The following MDN1 variants were observed in gnomAD, a reference collection of about 807,000 sequenced individuals.
MDN1 encodes midasin.
MDN1 carries 266 observed loss-of-function variants against 669.2 expected under a neutral mutation model. The observed-to-expected ratio is 0.40, with a 90% CI of 0.36 to 0.44. The LOEUF (loss-of-function observed/expected upper bound fraction) is 0.44, where lower values mean the gene tolerates loss of function less well. Among genes scored for constraint, MDN1 ranks in the 20% least tolerant of loss-of-function variants. The probability of loss-of-function intolerance (pLI) is 1.00; values close to 1 mark genes in which losing one functional copy is unlikely to be tolerated. For missense variants in MDN1, 5,940 were observed against 6,754.0 expected (o/e 0.88, Z 4.22); for synonymous variants, 2,385 against 2,457.1 (o/e 0.97, Z 0.87).
chr6:89,708,347 G>T, intron 51 of MDN1, 149 bp downstream of exon 51: 1 of 953,400 alleles, frequency 1.0e-6, no homozygotes, highest in Non-Finnish European at 1.6e-6. Context: ...TATGATTATC[G>T]TATGATAAAG....
chr6:89,796,324 C>CAA (rs35169575), intron 2 of MDN1, among the ~76,000 whole-genome samples: 464 of 45,274 alleles, frequency 0.01, 32 homozygotes, highest in African/African-American at 0.015. Context: ...AACTCTGTCT[C>CAA]AAAAAAAAAA....
Position 89,644,085 on chromosome 6 carries a change from C to T in MDN1, c.16711G>A (p.Asp5571Asn). 1 of 1,614,082 alleles carries T rather than the reference C, an allele frequency of 6.2e-7. No homozygotes were observed. Among genetic ancestry groups the T allele is most frequent in the South Asian group, 1.1e-5 (1 of 91,072 alleles). The change falls in exon 102 of 102, where the codon GAT (aspartate) becomes AAT (asparagine). Residue 5571 changes from aspartate (D) to asparagine (N), a missense_variant. Around this residue, in one of 5 missense-constraint regions of MDN1, gnomAD observed 2,280 missense variants for 2,576.3 expected, o/e 0.88. Transcript: ENST00000369393. ...AGTGTCTCAGGAAGTGCGTTTACATCTCGAAGAATGATATAGTATGGGAAT... is the reference window on the plus strand; with the variant it reads ...AGTGTCTCAGGAAGTGCGTTTACATTTCGAAGAATGATATAGTATGGGAAT... ...FPFPYYIILR[D>N]VNALPETLSD...
intron 11 of MDN1, among the ~76,000 whole-genome samples, chr6:89,778,971 A>G (rs898919417): frequency 2.7e-5 from 4 of 149,096 alleles, no homozygotes; most frequent in Admixed American, 1.3e-4. Context: ...ATGTACTAAA[A>G]TAAGCCAAAG....
rs1038181424 is a variant in MDN1 at position 89,687,370 on chromosome 6, G to A, written c.11424C>T (p.Ile3808=). The A allele has an allele frequency of 6.2e-7, 1 of 1,614,034 alleles. No homozygotes were observed. The highest frequency in any genetic ancestry group is 1.1e-5 in the South Asian group (1 of 91,068). Reference sequence around the variant, plus strand: ...TCAGCTCCAGTTTACGCCACCGAATGATCATCTGACTGATCAAATCAAGAT... The same window carrying A: ...TCAGCTCCAGTTTACGCCACCGAATAATCATCTGACTGATCAAATCAAGAT... ...RKHLDLISQM[I]IRWRKLELNC... The change falls in exon 68 of 102, where the codon ATC becomes ATT. Residue 3808 remains isoleucine, a synonymous_variant. Coordinates refer to ENST00000369393, the MANE Select transcript of MDN1 (RefSeq NM_014611.3).
chr6:89,775,748 C>G (rs1423420238), intron 12 of MDN1, among the ~76,000 whole-genome samples: 1 of 152,146 alleles, frequency 6.6e-6, no homozygotes, highest in Admixed American at 6.5e-5. Context: ...TGCAGTGGCA[C>G]AACCTTGGCT....
intron 17 of MDN1, 39 bp downstream of exon 17, chr6:89,761,606 T>A: frequency 7.0e-7 from 1 of 1,418,820 alleles, no homozygotes; most frequent in Non-Finnish European, 9.8e-7. Flanking sequence ...TTGCATAAAA[T>A]CAACGTTCCC....
intron 74 of MDN1, among the ~76,000 whole-genome samples, chr6:89,680,267 C>A (rs1026403591): frequency 2.6e-5 from 4 of 152,190 alleles, no homozygotes; most frequent in African/African-American, 9.7e-5. Context: ...ACAGTGGGGA[C>A]AGCTTAGACA....
At chr6:89,653,338 C>T (rs557923226) in intron 93 of MDN1, among the ~76,000 whole-genome samples, 183 bp from the exon 94 acceptor site, 37 of 152,316 alleles carry the variant, frequency 2.4e-4, no homozygotes, top group African/African-American at 7.7e-4. Flanking sequence ...CCCTTACTCT[C>T]TAAACTCCCC....
At position 89,740,474 on chromosome 6, in the gene MDN1, C is replaced by A. The variant is rs571630246; in HGVS notation, c.4449-96G>T. Reference sequence around the variant, plus strand: ...TTAAAAGAAAAAAAAAAGTTATCTTCTTTCTACTGAATTTTTACTTTAGTT... The same window carrying A: ...TTAAAAGAAAAAAAAAAGTTATCTTATTTCTACTGAATTTTTACTTTAGTT... On this transcript the variant is annotated intron_variant, in intron 31 of 101. Transcript: ENST00000369393. The A allele has an allele frequency of 1.1e-4, 136 of 1,205,154 alleles. No individual in the cohort carries two copies. In the East Asian group the frequency reaches 2.8e-3, roughly 25 times the overall value. The allele number at this position is 1,205,154 out of a possible 1,614,324, so 74.7% of individuals were successfully genotyped here.
At chr6:89,800,839 A>T (rs1767605738) in intron 2 of MDN1, among the ~76,000 whole-genome samples, 2 of 152,156 alleles carry the variant, frequency 1.3e-5, no homozygotes, top group South Asian at 4.1e-4. Flanking sequence ...TGGGGTCTGT[A>T]CTAAACCCAG....
chr6:89,674,276 G>T lies in MDN1; in HGVS notation c.13075C>A (p.Pro4359Thr), dbSNP rs376170203. 6.2e-7 allele frequency: 1 copy of T among 1,614,214 alleles called. No homozygotes were observed. Residue 4359 changes from proline (P) to threonine (T), a missense_variant, in exon 79 of 102, where the codon CCA becomes ACA. Transcript: ENST00000369393. The part of the protein sequence containing the change: ...LDLIPSNLSY[P>T]SPIPGSQLPS... ...AGCTGACTTCCAGGTATTGGAGATG[G>T]GTAGCTCAGATTGGAAGGAATTAGG... is the stretch of plus-strand genomic sequence containing the variant.
chr6:89,682,598 C>T (rs1328568840), intron 73 of MDN1, among the ~76,000 whole-genome samples: 1 of 150,338 alleles, frequency 6.7e-6, no homozygotes, highest in Non-Finnish European at 1.5e-5. Flanking sequence ...GTCCCAGCTA[C>T]TCGGGAGGCT....
At chr6:89,658,474 A>C in intron 89 of MDN1, 104 bp from the exon 90 acceptor site, 1 of 1,551,186 alleles carries the variant, frequency 6.4e-7, no homozygotes, top group Non-Finnish European at 8.8e-7. Flanking sequence ...TAAGGGTCTT[A>C]AAACAGAAAC....
At chr6:89,758,678 G>A in intron 18 of MDN1, 138 bp downstream of exon 18, 1 of 937,048 alleles carries the variant, frequency 1.1e-6, no homozygotes, top group Non-Finnish European at 1.6e-6. Flanking sequence ...GCACTTTGCA[G>A]AAAATTAATA....
At chr6:89,696,108 G>A in intron 60 of MDN1, 116 bp from the exon 61 acceptor site, 2 of 1,379,868 alleles carry the variant, frequency 1.4e-6, no homozygotes, top group Non-Finnish European at 2.0e-6. Flanking sequence ...TCAATATGTA[G>A]AGGTGAATTT....
At chr6:89,780,081 C>CA (rs1453238995) in intron 11 of MDN1, 131 bp downstream of exon 11, 2 of 501,668 alleles carry the variant, frequency 4.0e-6, no homozygotes, top group East Asian at 3.5e-5. Flanking sequence ...AAAAAAAAAA[C>CA]AAAAAAAGAA....
intron 63 of MDN1, 126 bp downstream of exon 63, chr6:89,692,314 AAAC>A: frequency 1.3e-6 from 1 of 790,812 alleles, no homozygotes; most frequent in Non-Finnish European, 1.9e-6. Flanking sequence ...AAGGAACAGA[AAAC>A]AAAATGCCCA....
chr6:89,680,903 C>T, intron 73 of MDN1, 152 bp from the exon 74 acceptor site: 1 of 874,716 alleles, frequency 1.1e-6, no homozygotes, highest in South Asian at 1.8e-5. Flanking sequence ...AAGAGACATA[C>T]TGTGGATATT....
intron 40 of MDN1, among the ~76,000 whole-genome samples, chr6:89,719,857 C>A (rs966508397): frequency 1.3e-5 from 2 of 152,124 alleles, no homozygotes; most frequent in African/African-American, 4.8e-5. Context: ...ATTCCTCTAA[C>A]CAATTATTTA....
Sources: gnomAD v4.1 joint callset for allele counts (sites outside exome capture counted in the v4.1 genomes callset) on GRCh38, gnomAD v4.1.1 for gene constraint, gnomAD v4.1.1 regional missense constraint, MANE v1.5 for transcripts, NCBI Gene and HGNC (gene_info 2026-07-23, HGNC 2026-07-21) for gene names.